The following CRPPA variants were observed in gnomAD, a reference collection of about 807,000 sequenced individuals.
CRPPA encodes CDP-L-ribitol pyrophosphorylase A.
Under a neutral mutation model 52.0 loss-of-function variants are expected in CRPPA, and 43 were observed. The observed-to-expected ratio is 0.83, with a 90% CI of 0.65 to 1.07. CRPPA has a LOEUF of 1.07. Ranked by LOEUF, CRPPA falls within the 50% of genes least tolerant of loss-of-function variation. The pLI is 0.00. For missense variants in CRPPA, 629 were observed against 551.7 expected (o/e 1.14, Z -1.40); for synonymous variants, 250 against 203.5 (o/e 1.23, Z -1.94).
intron 2 of CRPPA, among the ~76,000 whole-genome samples, chr7:16,404,010 T>C (rs921387934): frequency 6.6e-6 from 1 of 152,182 alleles, no homozygotes; most frequent in Non-Finnish European, 1.5e-5. Context: ...AACATACCTT[T>C]TTACTTTGTA....
chr7:16,293,477 G>C (rs1784604004), intron 5 of CRPPA, among the ~76,000 whole-genome samples: 2 of 151,894 alleles, frequency 1.3e-5, no homozygotes, highest in South Asian at 4.1e-4. Context: ...CACCACTATT[G>C]AGTCCTGATA....
chr7:16,272,293 A>AT (rs1784108413), intron 6 of CRPPA, among the ~76,000 whole-genome samples: 2 of 152,322 alleles, frequency 1.3e-5, no homozygotes, highest in African/African-American at 2.4e-5. Flanking sequence ...TCTTCCAGGT[A>AT]TTTGGTGGGT....
At chr7:16,390,883 A>T (rs1583571283) in intron 2 of CRPPA, among the ~76,000 whole-genome samples, 2 of 152,302 alleles carry the variant, frequency 1.3e-5, no homozygotes, top group African/African-American at 4.8e-5. Flanking sequence ...TCAGCTCCTG[A>T]AGTTAAACTC....
chr7:16,389,597 C>T (rs996739801), intron 2 of CRPPA, among the ~76,000 whole-genome samples: 2 of 152,032 alleles, frequency 1.3e-5, no homozygotes, highest in East Asian at 3.9e-4. Flanking sequence ...CAGAAGAGAT[C>T]TTGCTCAACC....
chr7:16,346,723 T>C (rs767446171), intron 3 of CRPPA, among the ~76,000 whole-genome samples: 3 of 152,146 alleles, frequency 2.0e-5, no homozygotes, highest in Non-Finnish European at 2.9e-5. Flanking sequence ...CAAGGCTTAC[T>C]TGGCCCAAAG....
At chr7:16,146,848 G>A (rs1782984175) in intron 9 of CRPPA, among the ~76,000 whole-genome samples, 1 of 152,068 alleles carries the variant, frequency 6.6e-6, no homozygotes, top group South Asian at 2.1e-4. Flanking sequence ...AGGGAGAGAG[G>A]AACAAAGGAA....
chr7:16,333,226 A>G (rs2128430660), intron 3 of CRPPA, among the ~76,000 whole-genome samples: 1 of 152,308 alleles, frequency 6.6e-6, no homozygotes, highest in Non-Finnish European at 1.5e-5. Flanking sequence ...ACAAAACAAA[A>G]GCAATAAAGA....
At chr7:16,374,279 G>C (rs1213932627) in intron 3 of CRPPA, among the ~76,000 whole-genome samples, 1 of 152,120 alleles carries the variant, frequency 6.6e-6, no homozygotes, top group Non-Finnish European at 1.5e-5. Flanking sequence ...TCCTGTGCTG[G>C]ATGCTTACTC....
chr7:16,280,695 A>G (rs897457592), intron 5 of CRPPA, among the ~76,000 whole-genome samples: 1 of 152,206 alleles, frequency 6.6e-6, no homozygotes, highest in African/African-American at 2.4e-5. Flanking sequence ...ACCAACTTAC[A>G]AAAATGAAAT....
chr7:16,185,217 G>C (rs1781483094), intron 9 of CRPPA, among the ~76,000 whole-genome samples: 1 of 152,170 alleles, frequency 6.6e-6, no homozygotes, highest in Non-Finnish European at 1.5e-5. Context: ...CATGGCAGCA[G>C]ACAAGAGAAG....
chr7:16,175,673 T>C (rs1050469558), intron 9 of CRPPA, among the ~76,000 whole-genome samples: 1 of 152,180 alleles, frequency 6.6e-6, no homozygotes, highest in Non-Finnish European at 1.5e-5. Flanking sequence ...TATATTTCTA[T>C]GCTAGTCTAC....
intron 9 of CRPPA, among the ~76,000 whole-genome samples, chr7:16,194,660 T>G (rs1363663624): frequency 1.3e-5 from 2 of 152,162 alleles, no homozygotes; most frequent in Non-Finnish European, 2.9e-5. Context: ...GTAAGATTTT[T>G]CTTACACAAA....
At chr7:16,094,571 G>GTA (rs1491390281) in intron 9 of CRPPA, among the ~76,000 whole-genome samples, 2 of 7,978 alleles carry the variant, frequency 2.5e-4, no homozygotes, top group East Asian at 7.7e-3. Context: ...ACATACATAA[G>GTA]TGTGTGTGTG....
At chr7:16,358,767 T>C (rs994109011) in intron 3 of CRPPA, among the ~76,000 whole-genome samples, 1 of 152,210 alleles carries the variant, frequency 6.6e-6, no homozygotes, top group Non-Finnish European at 1.5e-5. Flanking sequence ...AACTGCTTTC[T>C]ACTAGTTCTA....
At chr7:16,223,742 A>T (rs1168505288) in intron 8 of CRPPA, among the ~76,000 whole-genome samples, 1 of 152,222 alleles carries the variant, frequency 6.6e-6, no homozygotes, top group Non-Finnish European at 1.5e-5. Flanking sequence ...GCAAAATGGT[A>T]ACTCAAGAGA....
chr7:16,304,910 G>A (rs1230554557), intron 4 of CRPPA, among the ~76,000 whole-genome samples: 1 of 152,124 alleles, frequency 6.6e-6, no homozygotes, highest in Non-Finnish European at 1.5e-5. Context: ...TTTACTGTCA[G>A]ATTTTTGAAT....
intron 9 of CRPPA, among the ~76,000 whole-genome samples, chr7:16,125,908 C>T (rs1368576139): frequency 2.0e-5 from 3 of 149,404 alleles, no homozygotes; most frequent in Non-Finnish European, 4.4e-5. Context: ...CACACACACA[C>T]ACACACACAC....
intron 6 of CRPPA, among the ~76,000 whole-genome samples, chr7:16,272,453 T>A (rs946117147): frequency 6.6e-6 from 1 of 152,222 alleles, no homozygotes. Context: ...TCCCATTATG[T>A]GTTGAGCAGC....
intron 3 of CRPPA, among the ~76,000 whole-genome samples, chr7:16,330,907 G>A (rs761604820): frequency 2.0e-5 from 3 of 152,118 alleles, no homozygotes; most frequent in Non-Finnish European, 2.9e-5. Context: ...TGTGGGAGAA[G>A]GGACACACCC....
Sources: allele counts gnomAD v4.1 joint callset (sites outside exome capture counted in the v4.1 genomes callset), GRCh38; gene constraint gnomAD v4.1.1; transcripts MANE v1.5; gene names NCBI Gene and HGNC (gene_info 2026-07-23, HGNC 2026-07-21).